Variants in CDC20B observed in about 807,000 individuals in gnomAD.
CDC20B encodes the protein cell division cycle protein 20 homolog B.
Under a neutral mutation model 64.1 loss-of-function variants are expected in CDC20B, and 58 were observed. That is an observed-to-expected ratio of 0.90 (90% CI 0.73 to 1.13). CDC20B has a LOEUF of 1.13. Among genes scored for constraint, CDC20B ranks in the 50% most tolerant of loss-of-function variants. The pLI, the probability that CDC20B is intolerant of heterozygous loss-of-function variation, is 0.00. For missense variants in CDC20B, 597 were observed against 633.0 expected (o/e 0.94, Z 0.61); for synonymous variants, 243 against 230.6 (o/e 1.05, Z -0.49).
rs148916672 is a variant in CDC20B at position 55,114,222 on chromosome 5, T to C, written c.1556A>G (p.Tyr519Cys). 9 of 1,613,394 alleles carry C rather than the reference T, an allele frequency of 5.6e-6. No individual in the cohort carries two copies. The highest frequency in any genetic ancestry group is 7.6e-6 in the Non-Finnish European group (9 of 1,179,642). ...ADGTASVWNC[Y>C] ...GAAACCTAGAGGGGCTGGGTGCTAG[T>C]AGCAATTCCATACAGAGGCCGTCCC... Residue 519 changes from tyrosine (Y) to cysteine (C), a missense_variant, in exon 12 of 12, where the codon TAC becomes TGC. Physicochemically the swap from Tyr to Cys is radical, Grantham distance 194. Coordinates refer to ENST00000381375, the MANE Select transcript of CDC20B (RefSeq NM_001170402.1). The surrounding 1 kb of genome is among the most constrained non-coding windows in gnomAD (Gnocchi z 4.1).
At chr5:55,165,756 C>T (rs10054014) in intron 2 of CDC20B, 13,679 of 152,256 alleles carry the variant, frequency 0.09, 749 homozygotes, top group East Asian at 0.26. Flanking sequence ...CCTGCTCCTA[C>T]CTCTCGCCAG....
In CDC20B at chr5:55,114,475, T is replaced by C. The variant is rs1742579802; in HGVS notation, c.1460-157A>G. 1.3e-5 allele frequency among the ~76,000 whole-genome samples: 2 copies of C among 152,238 alleles called. No individual in the cohort carries two copies. Among genetic ancestry groups the C allele is most frequent in the Admixed American group, 6.5e-5 (1 of 15,284 alleles). On this transcript the variant is annotated intron_variant, in intron 11 of 11. Transcript: ENST00000381375. This position sits in a 1 kb window ranked among gnomAD's most constrained non-coding sequence, Gnocchi z 4.1. ...AGAGCTGCCACCAACTGAGCCATGC[T>C]GGGAGACAGCAGTCAGGGCCGACTG...
intron 4 of CDC20B, among the ~76,000 whole-genome samples, chr5:55,141,127 G>T (rs368828314): frequency 6.6e-6 from 1 of 152,164 alleles, no homozygotes; most frequent in Non-Finnish European, 1.5e-5. Context: ...AGAACACTTT[G>T]GGGGGCCGTA....
intron 2 of CDC20B, among the ~76,000 whole-genome samples, chr5:55,152,184 GC>G (rs1743686381): frequency 6.6e-6 from 1 of 152,240 alleles, no homozygotes; most frequent in African/African-American, 2.4e-5. Context: ...AGGAGGCCAG[GC>G]CCTGCTGACA....
chr5:55,125,454 A>G (rs1168812375), intron 8 of CDC20B, among the ~76,000 whole-genome samples: 1 of 152,260 alleles, frequency 6.6e-6, no homozygotes, highest in Non-Finnish European at 1.5e-5. Flanking sequence ...AATGTTAGAC[A>G]TAGAAAAAGG....
At chr5:55,145,944 T>C (rs1041503634) in intron 3 of CDC20B, among the ~76,000 whole-genome samples, 16 of 152,126 alleles carry the variant, frequency 1.1e-4, no homozygotes, top group African/African-American at 3.1e-4. Flanking sequence ...CCAGTAACCT[T>C]ACCAGTCATT....
Position 55,173,123 on chromosome 5 carries a change from A to G in CDC20B, c.-123T>C, listed in dbSNP as rs1744681441. The G allele has an allele frequency of 3.9e-6, 3 of 768,032 alleles. No individual in the cohort carries two copies. In the East Asian group the frequency reaches 8.2e-5, roughly 21 times the overall value. 47.6% of individuals were successfully genotyped at this position (768,032 alleles called of 1,614,324 possible). A position where few individuals can be genotyped will look rare whatever the true frequency, so the allele number is the denominator to read the frequency against. On this transcript the variant is annotated 5_prime_UTR_variant, in exon 1 of 12. Coordinates refer to ENST00000381375, the MANE Select transcript of CDC20B (RefSeq NM_001170402.1). ...AACCCCTGGAGTCCCGTCCCCCAGG[A>G]CCATTCTATTTCACCACCTCCCTCC... is the stretch of plus-strand genomic sequence containing the variant.
Position 55,172,938 on chromosome 5 carries a change from C to T in CDC20B, c.63G>A (p.Trp21Ter). The T allele has an allele frequency of 6.2e-7, 1 of 1,606,798 alleles. No individual in the cohort carries two copies. ...GAATGCAGAAAAGGGTGTTACTCAC[C>T]CACAGCATCTCCTCTTCCGTGCGGA... is the stretch of plus-strand genomic sequence containing the variant. ...RRVRTEEEML[W>*]ESIMRVLSKD... is the part of the protein sequence containing the mutation. Residue 21 changes from tryptophan to a stop codon, truncating the protein, a stop_gained and splice_region_variant, in exon 1 of 12, where the codon TGG (tryptophan) becomes TGA (stop). Transcript: ENST00000381375. LOFTEE classifies it high-confidence loss of function.
At chr5:55,116,274 A>C (rs1436201494) in intron 11 of CDC20B, among the ~76,000 whole-genome samples, 1 of 152,196 alleles carries the variant, frequency 6.6e-6, no homozygotes, top group African/African-American at 2.4e-5. Context: ...ACAGTGGCAC[A>C]CGCCTGCAGT....
At chr5:55,152,379 A>G (rs1026959494) in intron 2 of CDC20B, among the ~76,000 whole-genome samples, 14 of 152,212 alleles carry the variant, frequency 9.2e-5, no homozygotes, top group Admixed American at 8.5e-4. Flanking sequence ...TGCTAATAAC[A>G]TTTACCAAAC....
At chr5:55,116,309 G>A (rs1169087408) in intron 11 of CDC20B, among the ~76,000 whole-genome samples, 1 of 152,218 alleles carries the variant, frequency 6.6e-6, no homozygotes, top group African/African-American at 2.4e-5. Flanking sequence ...AGGGTCACTT[G>A]AAGCAAGGTG....
At chr5:55,131,518 A>G (rs1743028041) in intron 6 of CDC20B, among the ~76,000 whole-genome samples, 1 of 152,188 alleles carries the variant, frequency 6.6e-6, no homozygotes, top group Admixed American at 6.5e-5. Flanking sequence ...AAAACCCAAA[A>G]GAGTGGGATA....
chr5:55,169,001 G>C (rs1744504506), intron 2 of CDC20B, among the ~76,000 whole-genome samples: 1 of 150,466 alleles, frequency 6.6e-6, no homozygotes, highest in Admixed American at 6.6e-5. Flanking sequence ...TTTATATCTT[G>C]CTCTTTAATT....
chr5:55,143,382 A>AT (rs1230503666), intron 4 of CDC20B, 131 bp downstream of exon 4: 30 of 945,152 alleles, frequency 3.2e-5, no homozygotes, highest in African/African-American at 2.6e-4. Flanking sequence ...TCAATTATTC[A>AT]TTTTTTATCA....
At chr5:55,123,637 T>C (rs1742808356) in intron 9 of CDC20B, among the ~76,000 whole-genome samples, 1 of 152,158 alleles carries the variant, frequency 6.6e-6, no homozygotes, top group African/African-American at 2.4e-5. Context: ...GACTCTCTCT[T>C]AGTGAAAAGG....
chr5:55,156,812 T>C (rs973593142), intron 2 of CDC20B, among the ~76,000 whole-genome samples: 1 of 152,204 alleles, frequency 6.6e-6, no homozygotes, highest in Non-Finnish European at 1.5e-5. Context: ...AGATGGAGGT[T>C]GCAGTGAGCC....
chr5:55,147,070 C>T (rs1427229118), intron 2 of CDC20B, among the ~76,000 whole-genome samples: 2 of 143,184 alleles, frequency 1.4e-5, no homozygotes, highest in African/African-American at 5.1e-5. Context: ...TTTATAGTTA[C>T]ATATTATATA....
intron 6 of CDC20B, among the ~76,000 whole-genome samples, chr5:55,129,171 A>G (rs908855510): frequency 1.9e-4 from 29 of 152,202 alleles, no homozygotes; most frequent in Non-Finnish European, 3.7e-4. Context: ...CTTATTTCTT[A>G]TCAGTCAGAA....
intron 2 of CDC20B, among the ~76,000 whole-genome samples, chr5:55,151,509 C>A (rs1172422201): frequency 6.6e-6 from 1 of 152,136 alleles, no homozygotes; most frequent in African/African-American, 2.4e-5. Flanking sequence ...CAAAGAAATT[C>A]TAAACTTTAA....
Sources: gnomAD v4.1 joint callset for allele counts (sites outside exome capture counted in the v4.1 genomes callset) on GRCh38, gnomAD v4.1.1 for gene constraint, Gnocchi (gnomAD v3.1) non-coding constraint, MANE v1.5 for transcripts, NCBI Gene and HGNC (gene_info 2026-07-23, HGNC 2026-07-21) for gene names.